CNTNAP5: variants seen among roughly 807,000 people sequenced by gnomAD.
The protein encoded by CNTNAP5 is contactin-associated protein-like 5.
Under a neutral mutation model 150.2 loss-of-function variants are expected in CNTNAP5, and 72 were observed. The ratio of observed to expected loss-of-function variants is 0.48; its 90% CI spans 0.40 to 0.58. CNTNAP5 has a LOEUF of 0.58. Ranked by LOEUF, CNTNAP5 falls within the 20% of genes least tolerant of loss-of-function variation. The pLI is 0.00. For synonymous variants in CNTNAP5, 672 were observed against 619.8 expected (o/e 1.08, Z -1.25); for missense variants, 1,636 against 1,626.2 (o/e 1.01, Z -0.10).
rs145048907 is a variant in CNTNAP5, at chr2:124,288,212, G to A, written c.381+45819G>A. On this transcript the variant is annotated intron_variant, in intron 3 of 23. Transcript: ENST00000682447. ...CCCAAAATGCTGAGATTACAGACAT[G>A]AGCCACTGCACCTGGCCAGGACAGT... is the stretch of plus-strand genomic sequence containing the variant. Among the ~76,000 whole-genome samples the A allele has an allele frequency of 4.1e-4, 63 of 152,290 alleles. No individual in the cohort carries two copies. The East Asian group carries it at 9.6e-3, about 23-fold the overall frequency.
At chr2:124,747,448 C>T (rs1680628757) in intron 14 of CNTNAP5, 63 bp downstream of exon 14, 7 of 1,574,648 alleles carry the variant, frequency 4.4e-6, no homozygotes, top group Non-Finnish European at 6.1e-6. Context: ...GCATAAAATT[C>T]CCCAAGACAG....
intron 7 of CNTNAP5, among the ~76,000 whole-genome samples, chr2:124,491,710 G>A (rs564824425): frequency 1.3e-5 from 2 of 151,660 alleles, no homozygotes; most frequent in Non-Finnish European, 2.9e-5. Context: ...ACTACCAATT[G>A]TGTACAAGCC....
chr2:124,358,841 C>T (rs2104711616), intron 3 of CNTNAP5, among the ~76,000 whole-genome samples: 1 of 150,742 alleles, frequency 6.6e-6, no homozygotes, highest in Non-Finnish European at 1.5e-5. Flanking sequence ...GGAGGATTCC[C>T]TCTTTTTCTA....
At chr2:124,690,060 C>T (rs1679269787) in intron 13 of CNTNAP5, among the ~76,000 whole-genome samples, 1 of 151,844 alleles carries the variant, frequency 6.6e-6, no homozygotes, top group South Asian at 2.1e-4. Context: ...ACTTTTATAA[C>T]TTGAGAAGAA....
At chr2:124,300,777 A>C (rs1410169085) in intron 3 of CNTNAP5, among the ~76,000 whole-genome samples, 1 of 152,212 alleles carries the variant, frequency 6.6e-6, no homozygotes, top group Non-Finnish European at 1.5e-5. Flanking sequence ...CCTGAGGGAC[A>C]ACAGCAGCTT....
chr2:124,221,490 CT>C (rs900262369), intron 1 of CNTNAP5, among the ~76,000 whole-genome samples: 9 of 152,030 alleles, frequency 5.9e-5, no homozygotes, highest in Non-Finnish European at 1.3e-4. Flanking sequence ...CATTTTTGAA[CT>C]TAATTTTCCT....
chr2:124,793,065 T>C (rs1293128106), intron 18 of CNTNAP5, among the ~76,000 whole-genome samples: 2 of 152,238 alleles, frequency 1.3e-5, no homozygotes, highest in Non-Finnish European at 2.9e-5. Flanking sequence ...GTGAGATTGT[T>C]GTGTCAAACG....
intron 7 of CNTNAP5, among the ~76,000 whole-genome samples, chr2:124,475,122 T>C (rs1177034790): frequency 6.6e-6 from 1 of 151,950 alleles, no homozygotes; most frequent in African/African-American, 2.4e-5. Flanking sequence ...TTTTTTTGAC[T>C]GTGGGTCATA....
At chr2:124,363,928 A>G (rs1253837603) in intron 3 of CNTNAP5, among the ~76,000 whole-genome samples, 2 of 152,176 alleles carry the variant, frequency 1.3e-5, no homozygotes, top group Non-Finnish European at 1.5e-5. Context: ...CCCTGCTCCA[A>G]GCCAGTGTTG....
chr2:124,033,886 C>T (rs749694291), intron 1 of CNTNAP5, among the ~76,000 whole-genome samples: 45 of 151,630 alleles, frequency 3.0e-4, no homozygotes, highest in South Asian at 2.1e-4. Flanking sequence ...CAAATCTATA[C>T]TGTACTTGAC....
At chr2:124,447,215 A>G (rs1574000559) in intron 6 of CNTNAP5, among the ~76,000 whole-genome samples, 1 of 151,468 alleles carries the variant, frequency 6.6e-6, no homozygotes, top group African/African-American at 2.4e-5. Flanking sequence ...CTGCGTGTAG[A>G]CTTTCTGTGC....
intron 22 of CNTNAP5, among the ~76,000 whole-genome samples, chr2:124,905,305 A>C (rs1432227020): frequency 6.6e-6 from 1 of 152,060 alleles, no homozygotes; most frequent in Non-Finnish European, 1.5e-5. Context: ...GAGGAAGTAC[A>C]GAAAATGGAA....
chr2:124,718,734 G>T (rs1347532369), intron 13 of CNTNAP5, among the ~76,000 whole-genome samples: 1 of 152,000 alleles, frequency 6.6e-6, no homozygotes, highest in Non-Finnish European at 1.5e-5. Flanking sequence ...ACGAGGTCAG[G>T]AGATCAAGAT....
intron 19 of CNTNAP5, among the ~76,000 whole-genome samples, chr2:124,816,832 A>G (rs1682374704): frequency 6.6e-6 from 1 of 152,144 alleles, no homozygotes; most frequent in African/African-American, 2.4e-5. Context: ...TGTATGGATG[A>G]GTCTTTTAAT....
At position 124,353,606 on chromosome 2, in the gene CNTNAP5, G is replaced by A. The variant is rs139117843; in HGVS notation, c.382-63837G>A. On this transcript the variant is annotated intron_variant, in intron 3 of 23. Transcript: ENST00000682447. The stretch of plus-strand genomic sequence containing the variant: ...TGAGAATTTGTATTATCCTCTCTCC[G>A]TGCATCTCCATGATACAGTGCCTCA... Among the ~76,000 whole-genome samples the A allele has an allele frequency of 2.3e-4, 35 of 152,180 alleles. No individual in the cohort carries two copies. The East Asian group carries it at 5.2e-3, about 23-fold the overall frequency.
chr2:124,534,486 C>A (rs1573442417), intron 10 of CNTNAP5, among the ~76,000 whole-genome samples: 1 of 152,134 alleles, frequency 6.6e-6, no homozygotes, highest in Non-Finnish European at 1.5e-5. Context: ...GGTTCTTGCC[C>A]TTTTTAGACC....
chr2:124,912,317 G>A (rs1009121543), intron 23 of CNTNAP5, among the ~76,000 whole-genome samples: 1 of 152,146 alleles, frequency 6.6e-6, no homozygotes, highest in South Asian at 2.1e-4. Context: ...GGCAGATGGC[G>A]TTTTCCTTTT....
At chr2:124,555,018 C>A (rs943978389) in intron 10 of CNTNAP5, among the ~76,000 whole-genome samples, 1 of 152,114 alleles carries the variant, frequency 6.6e-6, no homozygotes, top group East Asian at 1.9e-4. Flanking sequence ...CATTAAGATT[C>A]TAAGGGTAAG....
intron 19 of CNTNAP5, among the ~76,000 whole-genome samples, chr2:124,813,380 TTTTTTTTTC>T (rs909270810): frequency 1.4e-5 from 2 of 146,236 alleles, no homozygotes; most frequent in African/African-American, 5.0e-5. Flanking sequence ...CCTGGCCTGT[TTTTTTTTTC>T]TTTTTTTTTC....
Sources: allele counts gnomAD v4.1 joint callset (sites outside exome capture counted in the v4.1 genomes callset), GRCh38; gene constraint gnomAD v4.1.1; transcripts MANE v1.5; gene names NCBI Gene and HGNC (gene_info 2026-07-23, HGNC 2026-07-21).